The following NEK5 variants were observed in gnomAD, a reference collection of about 807,000 sequenced individuals.
NEK5 encodes serine/threonine-protein kinase Nek5.
NEK5 carries 88 observed loss-of-function variants against 109.2 expected under a neutral mutation model. That is an observed-to-expected ratio of 0.81 (90% CI 0.68 to 0.96). The LOEUF is 0.96. NEK5 is among the 40% of genes least tolerant of loss of function. The pLI is 0.00. For synonymous variants in NEK5, 283 were observed against 299.9 expected (o/e 0.94, Z 0.58); for missense variants, 834 against 920.7 (o/e 0.91, Z 1.22).
chr13:52,122,334 T>C (rs916636048), intron 3 of NEK5, among the ~76,000 whole-genome samples: 3 of 152,338 alleles, frequency 2.0e-5, no homozygotes, highest in East Asian at 3.9e-4. Flanking sequence ...TGACATATAA[T>C]GGACACCCTG....
rs1437859194 is a variant in NEK5, at chr13:52,080,423, G to A, written c.1572+2837C>T. 2.6e-5 allele frequency among the ~76,000 whole-genome samples: 4 copies of A among 152,208 alleles called. No homozygotes were observed. In the East Asian group the frequency reaches 5.8e-4, roughly 22 times the overall value. Reference sequence around the variant, plus strand: ...CAGCTCATTGAGAACGGGCCATGATGACAATGGCGGTTTTGTGGAATAGAA... The same window carrying A: ...CAGCTCATTGAGAACGGGCCATGATAACAATGGCGGTTTTGTGGAATAGAA... On this transcript the variant is annotated intron_variant, in intron 17 of 23. Transcript: ENST00000684899.
At chr13:52,085,259 T>G (rs1401710583) in intron 16 of NEK5, among the ~76,000 whole-genome samples, 1 of 152,202 alleles carries the variant, frequency 6.6e-6, no homozygotes, top group African/African-American at 2.4e-5. Flanking sequence ...AAGGCATGAC[T>G]TTGCTCCTCC....
chr13:52,071,860 G>A (rs946808142), intron 20 of NEK5, 84 bp downstream of exon 20: 30 of 1,204,462 alleles, frequency 2.5e-5, no homozygotes, highest in African/African-American at 1.8e-4. Flanking sequence ...CAGTGGAGCC[G>A]AGGCAGATGC....
At position 52,038,825 on chromosome 13, in the gene NEK5, G is replaced by GAA. The variant is rs1183060212; in HGVS notation, c.2229-1609_2229-1608dup. On this transcript the variant is annotated intron_variant, in intron 23 of 23. Transcript: ENST00000684899. ...AGGCATCAGAGCAAGACACTCATCT[G>GAA]AAAAAAAAAAAAAAAAAAAAGTGGT... Among the ~76,000 whole-genome samples, 356 of 94,538 alleles carry GAA rather than the reference G, an allele frequency of 3.8e-3. 9 individuals carry two copies. The highest frequency in any genetic ancestry group is 0.013 in the African/African-American group (306 of 22,992). The allele number at this position is 94,538 out of a possible 152,430, so 62.0% of individuals were successfully genotyped here.
At chr13:52,112,175 A>C (rs1593994069) in intron 5 of NEK5, 93 bp downstream of exon 5, 1 of 589,380 alleles carries the variant, frequency 1.7e-6, no homozygotes, top group East Asian at 2.8e-5. Context: ...CACATGCTTT[A>C]TATCAACATA....
At chr13:52,061,237 TC>T (rs1954611899) in intron 22 of NEK5, among the ~76,000 whole-genome samples, 1 of 152,010 alleles carries the variant, frequency 6.6e-6, no homozygotes. Context: ...GGGTTCATGC[TC>T]CCATGAGAAC....
At chr13:52,055,670 A>C (rs1296083102) in intron 22 of NEK5, among the ~76,000 whole-genome samples, 8 of 151,900 alleles carry the variant, frequency 5.3e-5, no homozygotes, top group Admixed American at 4.6e-4. Flanking sequence ...AAGAATTTTC[A>C]ACCCAGAATT....
intron 23 of NEK5, among the ~76,000 whole-genome samples, chr13:52,043,472 G>C (rs1328744534): frequency 1.3e-5 from 2 of 148,712 alleles, no homozygotes; most frequent in Non-Finnish European, 3.0e-5. Context: ...CGGAGGCAGA[G>C]GTTGCAGTGA....
intron 17 of NEK5, among the ~76,000 whole-genome samples, chr13:52,079,701 C>G (rs2137838836): frequency 6.6e-6 from 1 of 152,392 alleles, no homozygotes; most frequent in Admixed American, 6.5e-5. Flanking sequence ...GCCGAGATTG[C>G]AGCCTCTGCC....
intron 13 of NEK5, among the ~76,000 whole-genome samples, chr13:52,091,073 C>T (rs180998399): frequency 2.6e-5 from 4 of 152,028 alleles, no homozygotes; most frequent in Non-Finnish European, 5.9e-5. Flanking sequence ...TGTAATTGGA[C>T]CTCCAGCAGA....
intron 17 of NEK5, among the ~76,000 whole-genome samples, chr13:52,081,385 G>A (rs1352761807): frequency 6.6e-6 from 1 of 151,832 alleles, no homozygotes; most frequent in African/African-American, 2.4e-5. Flanking sequence ...TTAGAGATGG[G>A]GTCTCACTAT....
At chr13:52,107,677 C>G (rs1051945918) in intron 8 of NEK5, among the ~76,000 whole-genome samples, 19 of 151,564 alleles carry the variant, frequency 1.3e-4, no homozygotes, top group Middle Eastern at 3.5e-3. Context: ...CTAGGCCTTT[C>G]CTGGGCCTTA....
chr13:52,100,262 TTCTC>T (rs1955503145), intron 11 of NEK5, among the ~76,000 whole-genome samples: 1 of 152,106 alleles, frequency 6.6e-6, no homozygotes, highest in African/African-American at 2.4e-5. Context: ...TGAGTAGATC[TTCTC>T]TCTTTTTTTT....
chr13:52,080,888 TTAA>T (rs1954997859), intron 17 of NEK5, among the ~76,000 whole-genome samples: 2 of 79,962 alleles, frequency 2.5e-5, no homozygotes, highest in East Asian at 3.5e-4. Context: ...GAATGATCAA[TTAA>T]AAAAAAAAAA....
At chr13:52,094,603 G>A (rs376563517) in intron 12 of NEK5, among the ~76,000 whole-genome samples, 1 of 152,180 alleles carries the variant, frequency 6.6e-6, no homozygotes, top group South Asian at 2.1e-4. Flanking sequence ...CTAACAAGGT[G>A]AAACCCCGTC....
intron 20 of NEK5, among the ~76,000 whole-genome samples, chr13:52,067,638 T>C (rs1276508873): frequency 6.6e-6 from 1 of 151,748 alleles, no homozygotes; most frequent in African/African-American, 2.4e-5. Context: ...ACTCAGCTGG[T>C]TGTGGGCCAA....
At chr13:52,086,046 A>G (rs538633586) in intron 16 of NEK5, among the ~76,000 whole-genome samples, 4 of 152,352 alleles carry the variant, frequency 2.6e-5, no homozygotes, top group East Asian at 3.9e-4. Flanking sequence ...AATAATAGCC[A>G]TTCCTGAGAA....
At chr13:52,058,005 T>C (rs1954577294) in intron 22 of NEK5, among the ~76,000 whole-genome samples, 1 of 152,126 alleles carries the variant, frequency 6.6e-6, no homozygotes, top group Admixed American at 6.6e-5. Flanking sequence ...AAAGAGGAAG[T>C]CAAATTGTCT....
chr13:52,123,078 G>A (rs1956001311), intron 3 of NEK5, among the ~76,000 whole-genome samples: 1 of 152,140 alleles, frequency 6.6e-6, no homozygotes, highest in South Asian at 2.1e-4. Flanking sequence ...GTACCTGTAA[G>A]AAAACAAGCA....
Sources: gnomAD v4.1 joint callset for allele counts (sites outside exome capture counted in the v4.1 genomes callset) on GRCh38, gnomAD v4.1.1 for gene constraint, MANE v1.5 for transcripts, NCBI Gene and HGNC (gene_info 2026-07-23, HGNC 2026-07-21) for gene names.